RAPGEF5: variants seen among roughly 807,000 people sequenced by gnomAD.
RAPGEF5 encodes Rap guanine nucleotide exchange factor 5.
A neutral mutation model predicts 125.2 loss-of-function variants in RAPGEF5; 65 were observed. That is an observed-to-expected ratio of 0.52 (90% CI 0.43 to 0.64). RAPGEF5 has a LOEUF of 0.64. Among genes scored for constraint, RAPGEF5 ranks in the 30% least tolerant of loss-of-function variants. The probability of loss-of-function intolerance (pLI) is 0.00; values close to 1 mark genes in which losing one functional copy is unlikely to be tolerated. For missense variants in RAPGEF5, 958 were observed against 1,048.1 expected (o/e 0.91, Z 1.19); for synonymous variants, 391 against 385.9 (o/e 1.01, Z -0.16).
intron 6 of RAPGEF5, among the ~76,000 whole-genome samples, chr7:22,287,457 T>G (rs1354842939): frequency 2.0e-5 from 3 of 152,108 alleles, no homozygotes; most frequent in Non-Finnish European, 2.9e-5. Context: ...GTTAAAGAAA[T>G]GAGAAATTTT....
intron 7 of RAPGEF5, among the ~76,000 whole-genome samples, chr7:22,256,691 G>A (rs1786769924): frequency 6.6e-6 from 1 of 152,116 alleles, no homozygotes; most frequent in South Asian, 2.1e-4. Flanking sequence ...AGCCCACCAT[G>A]GCACAAATTT....
intron 1 of RAPGEF5, among the ~76,000 whole-genome samples, chr7:22,355,775 A>G (rs1458852550): frequency 6.6e-6 from 1 of 152,158 alleles, no homozygotes; most frequent in Non-Finnish European, 1.5e-5. Context: ...AGGGCGCATG[A>G]AAACAAGTGG....
chr7:22,353,561 C>T (rs1236785964), intron 1 of RAPGEF5, among the ~76,000 whole-genome samples: 1 of 152,078 alleles, frequency 6.6e-6, no homozygotes, highest in Non-Finnish European at 1.5e-5. Context: ...TGGCAAAATG[C>T]TAATAACTGT....
chr7:22,201,754 T>C (rs1785282949), intron 9 of RAPGEF5, among the ~76,000 whole-genome samples: 2 of 152,242 alleles, frequency 1.3e-5, no homozygotes. Flanking sequence ...TTACTGTTTA[T>C]CATAAAAGCT....
chr7:22,354,788 C>T (rs1445541253), intron 1 of RAPGEF5, among the ~76,000 whole-genome samples: 1 of 152,116 alleles, frequency 6.6e-6, no homozygotes, highest in Non-Finnish European at 1.5e-5. Flanking sequence ...AGGAAGAGAG[C>T]CCTCACCAGA....
At chr7:22,247,568 T>C (rs1035933839) in intron 7 of RAPGEF5, among the ~76,000 whole-genome samples, 1 of 152,196 alleles carries the variant, frequency 6.6e-6, no homozygotes, top group South Asian at 2.1e-4. Context: ...CCTTCTGCCA[T>C]GATTGTGAGG....
intron 7 of RAPGEF5, among the ~76,000 whole-genome samples, chr7:22,243,457 T>A (rs1002126176): frequency 6.6e-6 from 1 of 152,108 alleles, no homozygotes; most frequent in African/African-American, 2.4e-5. Context: ...GGTTTCACCA[T>A]GTTGGCCAGG....
intron 19 of RAPGEF5, 82 bp downstream of exon 19, chr7:22,146,815 A>C: frequency 2.1e-6 from 3 of 1,449,234 alleles, no homozygotes; most frequent in Non-Finnish European, 1.8e-6. Context: ...GCATAATTTC[A>C]TCACCGCACG....
At chr7:22,355,504 T>C (rs920802230) in intron 1 of RAPGEF5, among the ~76,000 whole-genome samples, 1 of 152,170 alleles carries the variant, frequency 6.6e-6, no homozygotes, top group Non-Finnish European at 1.5e-5. Flanking sequence ...ACACCACATC[T>C]TGGGGACACA....
At chr7:22,335,702 A>ACC in intron 1 of RAPGEF5, among the ~76,000 whole-genome samples, 1 of 102,476 alleles carries the variant, frequency 9.8e-6, no homozygotes, top group East Asian at 3.1e-4. Context: ...AAAAAAAAAA[A>ACC]AACAACAAAA....
intron 5 of RAPGEF5, among the ~76,000 whole-genome samples, chr7:22,302,875 A>G (rs868170352): frequency 6.9e-6 from 1 of 145,706 alleles, no homozygotes; most frequent in Non-Finnish European, 1.5e-5. Context: ...TTTTCTTTCC[A>G]TATTTGAGTG....
At chr7:22,252,730 T>C (rs1786655319) in intron 7 of RAPGEF5, among the ~76,000 whole-genome samples, 1 of 152,160 alleles carries the variant, frequency 6.6e-6, no homozygotes, top group Non-Finnish European at 1.5e-5. Flanking sequence ...TTACAAAAGA[T>C]AGTGTCATGG....
chr7:22,290,715 A>G (rs1363329332), intron 6 of RAPGEF5, among the ~76,000 whole-genome samples: 1 of 145,698 alleles, frequency 6.9e-6, no homozygotes, highest in Non-Finnish European at 1.5e-5. Context: ...GCTGCACTCC[A>G]GCCTGGGCGA....
intron 11 of RAPGEF5, among the ~76,000 whole-genome samples, chr7:22,173,315 G>A (rs1040419789): frequency 6.6e-6 from 1 of 152,152 alleles, no homozygotes; most frequent in Non-Finnish European, 1.5e-5. Flanking sequence ...TTACATTTCT[G>A]AAAGTGATAT....
rs1306364451 is a variant in RAPGEF5 at position 22,125,473 on chromosome 7, T to C, written c.2536+131A>G. ...ACAAAGAGACAATCTACTATATATA[T>C]ACAATATGCGTATGTATATACATAT... On this transcript the variant is annotated intron_variant, in intron 25 of 25. Coordinates refer to ENST00000665637, the MANE Select transcript of RAPGEF5 (RefSeq NM_012294.5). The C allele has an allele frequency of 6.1e-6, 5 of 814,330 alleles. No homozygotes were observed. In the African/African-American group the frequency reaches 6.8e-5, roughly 11 times the overall value. The allele number at this position is 814,330 out of a possible 1,614,324, so 50.4% of individuals were successfully genotyped here.
chr7:22,347,718 C>A (rs1022575823), intron 1 of RAPGEF5, among the ~76,000 whole-genome samples: 3 of 152,138 alleles, frequency 2.0e-5, no homozygotes, highest in Non-Finnish European at 4.4e-5. Context: ...TCAACCTATG[C>A]CTCATTTTTC....
chr7:22,147,952 TG>T (rs767867313), intron 18 of RAPGEF5, among the ~76,000 whole-genome samples: 1 of 152,234 alleles, frequency 6.6e-6, no homozygotes, highest in Admixed American at 6.5e-5. Context: ...TTTACATTGA[TG>T]AAAACGTTTC....
intron 7 of RAPGEF5, among the ~76,000 whole-genome samples, chr7:22,244,968 T>C (rs1331067083): frequency 6.6e-6 from 1 of 152,244 alleles, no homozygotes; most frequent in Non-Finnish European, 1.5e-5. Flanking sequence ...CTTTTCTTCA[T>C]ATCCTCGTCA....
intron 5 of RAPGEF5, among the ~76,000 whole-genome samples, chr7:22,305,893 T>A (rs1362456392): frequency 6.6e-6 from 1 of 152,242 alleles, no homozygotes; most frequent in Non-Finnish European, 1.5e-5. Context: ...CTCATTCTTT[T>A]TTATGGCTGA....
Sources: gnomAD v4.1 joint callset for allele counts (sites outside exome capture counted in the v4.1 genomes callset) on GRCh38, gnomAD v4.1.1 for gene constraint, MANE v1.5 for transcripts, NCBI Gene and HGNC (gene_info 2026-07-23, HGNC 2026-07-21) for gene names.